The following EYA1 variants were observed in gnomAD, a reference collection of about 807,000 sequenced individuals.
EYA1 encodes EYA transcriptional coactivator and phosphatase 1.
Under a neutral mutation model 82.0 loss-of-function variants are expected in EYA1, and 16 were observed. That is an observed-to-expected ratio of 0.20 (90% CI 0.13 to 0.30). The LOEUF is 0.30. EYA1 is among the 10% of genes least tolerant of loss of function. EYA1 has a pLI of 1.00. For missense variants in EYA1, 633 were observed against 730.7 expected (o/e 0.87, Z 1.54); for synonymous variants, 261 against 264.4 (o/e 0.99, Z 0.12).
chr8:71,420,448 C>A (rs1055425571), intron 2 of EYA1, among the ~76,000 whole-genome samples: 1 of 152,070 alleles, frequency 6.6e-6, no homozygotes, highest in African/African-American at 2.4e-5. Flanking sequence ...TAACTACATC[C>A]ATAATATTAC....
intron 2 of EYA1, among the ~76,000 whole-genome samples, chr8:71,515,003 C>T (rs1293916525): frequency 1.3e-5 from 2 of 152,034 alleles, no homozygotes; most frequent in South Asian, 2.1e-4. Context: ...TGGAATAAGA[C>T]AACTCCTAAT....
intron 2 of EYA1, among the ~76,000 whole-genome samples, chr8:71,520,334 T>C (rs1813301540): frequency 6.6e-6 from 1 of 151,996 alleles, no homozygotes; most frequent in Non-Finnish European, 1.5e-5. Context: ...AGGCTTATCC[T>C]TAAGGAAGAG....
intron 2 of EYA1, among the ~76,000 whole-genome samples, chr8:71,487,798 C>T (rs1254351198): frequency 2.0e-5 from 3 of 152,092 alleles, no homozygotes; most frequent in Non-Finnish European, 4.4e-5. Context: ...GAATAGATAA[C>T]GTTTTAGAAG....
At position 71,306,386 on chromosome 8, in the gene EYA1, T is replaced by C. The variant is rs192785695; in HGVS notation, c.557-6666A>G. Among the ~76,000 whole-genome samples, 376 of 151,682 alleles carry C rather than the reference T, an allele frequency of 2.5e-3. 1 individual carries two copies. Among genetic ancestry groups the C allele is most frequent in the African/African-American group, 8.6e-3 (353 of 41,050 alleles). On this transcript the variant is annotated intron_variant, in intron 7 of 17. Coordinates refer to ENST00000340726, the MANE Select transcript of EYA1 (RefSeq NM_000503.6). ...TAATGGCAAAATGCAAGAATCTGAA[T>C]GTCCAACAAATCATCATTAGTATAC...
intron 14 of EYA1, 92 bp from the exon 15 acceptor site, chr8:71,215,820 ACCAGCCTC>A (rs1809123542): frequency 1.3e-6 from 1 of 784,236 alleles, no homozygotes; most frequent in Admixed American, 2.0e-5. Flanking sequence ...TACTATGAAT[ACCAGCCTC>A]CAGATTTATA....
intron 2 of EYA1, among the ~76,000 whole-genome samples, chr8:71,507,169 G>A (rs1296069647): frequency 6.6e-6 from 1 of 152,058 alleles, no homozygotes; most frequent in Admixed American, 6.6e-5. Context: ...AGCCCTATGA[G>A]GTGGTTATTC....
At chr8:71,204,809 T>C (rs1174082522) in intron 17 of EYA1, among the ~76,000 whole-genome samples, 2 of 152,244 alleles carry the variant, frequency 1.3e-5, no homozygotes, top group Admixed American at 6.5e-5. Context: ...GGAGAACTTA[T>C]TATGAAACTT....
intron 2 of EYA1, among the ~76,000 whole-genome samples, chr8:71,494,022 C>CAAAAAAAAAAAAAAAAAAAAAAA (rs34340467): frequency 7.2e-5 from 3 of 41,872 alleles, no homozygotes; most frequent in Non-Finnish European, 1.0e-4. Flanking sequence ...GACTCCGTCT[C>CAAAAAAAAAAAAAAAAAAAAAAA]AAAAAAAAAA....
At chr8:71,399,616 C>T (rs912288035) in intron 2 of EYA1, among the ~76,000 whole-genome samples, 4 of 152,118 alleles carry the variant, frequency 2.6e-5, no homozygotes, top group Non-Finnish European at 5.9e-5. Context: ...AGGAGAACTA[C>T]AAACCAGTGC....
chr8:71,399,932 C>T (rs1157688824), intron 2 of EYA1, among the ~76,000 whole-genome samples: 1 of 152,074 alleles, frequency 6.6e-6, no homozygotes, highest in Non-Finnish European at 1.5e-5. Flanking sequence ...AACAGAATGG[C>T]TCTGGTATAA....
In EYA1 at chr8:71,321,873, T is replaced by C; in HGVS notation, c.279A>G (p.Pro93=). The C allele has an allele frequency of 1.9e-6, 3 of 1,614,246 alleles. No homozygotes were observed. The highest frequency in any genetic ancestry group is 1.7e-6 in the Non-Finnish European group (2 of 1,180,036). Residue 93 remains proline (P), a synonymous_variant, in exon 6 of 18, where the codon CCA becomes CCG. Coordinates refer to ENST00000340726, the MANE Select transcript of EYA1 (RefSeq NM_000503.6). ...AAGGGGTAGGGAGAATATGTGGGTA[T>C]GGTCTGCTATTTGTCAGAAATGACA... is the stretch of plus-strand genomic sequence containing the variant. ...SPPQIYPSNR[P]YPHILPTPSS...
intron 11 of EYA1, among the ~76,000 whole-genome samples, chr8:71,248,472 A>G (rs1373992593): frequency 6.6e-6 from 1 of 152,210 alleles, no homozygotes; most frequent in African/African-American, 2.4e-5. Flanking sequence ...ATACTCTGAC[A>G]CTGTCCATTT....
chr8:71,444,632 C>A (rs902763413), intron 2 of EYA1, among the ~76,000 whole-genome samples: 1 of 152,136 alleles, frequency 6.6e-6, no homozygotes. Flanking sequence ...TAACTTGGTA[C>A]GAGGTGACTG....
At chr8:71,315,616 G>C (rs1563450952) in intron 7 of EYA1, among the ~76,000 whole-genome samples, 1 of 152,188 alleles carries the variant, frequency 6.6e-6, no homozygotes, top group Non-Finnish European at 1.5e-5. Flanking sequence ...AAAGCTCTAT[G>C]AGCAAACAGA....
chr8:71,215,753 A>C, intron 14 of EYA1, 25 bp from the exon 15 acceptor site: 1 of 1,474,250 alleles, frequency 6.8e-7, no homozygotes, highest in South Asian at 1.1e-5. Flanking sequence ...GCACATGATG[A>C]ACTACTTCCT....
At chr8:71,384,150 C>A (rs58697737) in intron 2 of EYA1, among the ~76,000 whole-genome samples, 5,930 of 152,052 alleles carry the variant, frequency 0.039, 388 homozygotes, top group African/African-American at 0.14. Context: ...TAAGTTTAGA[C>A]CTCTGATGAT....
chr8:71,518,354 T>C (rs1157126613), intron 2 of EYA1, among the ~76,000 whole-genome samples: 3 of 152,174 alleles, frequency 2.0e-5, no homozygotes, highest in African/African-American at 7.2e-5. Flanking sequence ...TTTCCTTCTT[T>C]TCCAACGTCT....
At chr8:71,365,325 G>A (rs939081206), upstream of EYA1, among the ~76,000 whole-genome samples, 4 of 151,928 alleles carry the variant, frequency 2.6e-5, no homozygotes, top group African/African-American at 9.7e-5. Context: ...TGTTTACTTT[G>A]AAATAACGTT....
intron 4 of EYA1, among the ~76,000 whole-genome samples, chr8:71,324,566 T>C (rs141153134): frequency 2.0e-5 from 3 of 152,206 alleles, no homozygotes; most frequent in African/African-American, 7.2e-5. Context: ...TGTTTTCAAC[T>C]CTACTCAGTG....
Sources: allele counts gnomAD v4.1 joint callset (sites outside exome capture counted in the v4.1 genomes callset), GRCh38; gene constraint gnomAD v4.1.1; transcripts MANE v1.5; gene names NCBI Gene and HGNC (gene_info 2026-07-23, HGNC 2026-07-21).